Variants in CALML3 observed in about 807,000 individuals in gnomAD.
CALML3 encodes the protein calmodulin like 3.
For missense variants in CALML3, 198 were observed against 214.1 expected (o/e 0.92, Z 0.47); for synonymous variants, 98 against 89.9 (o/e 1.09, Z -0.51).
In CALML3 at chr10:5,525,394, C is replaced by T. The variant is rs548144630; in HGVS notation, c.309C>T (p.Ala103=). ...FDKDGNGFVS[A]AELRHVMTRL... ...AGGACGGCAACGGCTTCGTCAGCGC[C>T]GCCGAGCTGCGACACGTCATGACCC... Residue 103 remains alanine, a synonymous_variant, in exon 1 of 1, where the codon GCC becomes GCT. Coordinates refer to ENST00000315238, the MANE Select transcript of CALML3 (RefSeq NM_005185.4). The T allele has an allele frequency of 1.7e-5, 28 of 1,613,722 alleles. No homozygotes were observed. In the South Asian group the frequency reaches 2.7e-4, roughly 16 times the overall value.
chr10:5,525,324 CG>C lies in CALML3; in HGVS notation c.241del (p.Asp81ThrfsTer30). 6.2e-7 allele frequency: 1 copy of C among 1,613,868 alleles called. No homozygotes were observed. The highest frequency in any genetic ancestry group is 8.5e-7 in the Non-Finnish European group (1 of 1,179,984). ...LGMMARKMKDTDNEEEIREAF... is the reference protein window; with the variant it reads ...LGMMARKMKDXDNEEEIREAF... ...ATGATGGCCAGGAAGATGAAGGACA[CG>C]GACAACGAGGAGGAGATCCGCGAGG... On this transcript the variant is annotated frameshift_variant, in exon 1 of 1. Transcript: ENST00000315238. LOFTEE classifies it low-confidence loss of function (END_TRUNC).
chr10:5,525,103 T>A lies in CALML3; in HGVS notation c.18T>A (p.Thr6=). The change falls in exon 1 of 1, where the codon ACT becomes ACA. Residue 6 remains threonine, a synonymous_variant. Coordinates refer to ENST00000315238, the MANE Select transcript of CALML3 (RefSeq NM_005185.4). ...CCCCTGGCATGGCCGACCAGCTGAC[T>A]GAGGAGCAGGTCACAGAATTCAAGG... MADQL[T]EEQVTEFKEA... 6.2e-7 allele frequency: 1 copy of A among 1,605,204 alleles called. No individual in the cohort carries two copies.
Position 5,525,596 on chromosome 10 carries a change from T to TGCCCCC in CALML3, c.*61_*62insGCCCCC. ...GCCCACAGGGCAAGAACCCGGGGCC[T>TGCCCCC]CCCGCCTCCTCCCCCATCCCCCTGC... On this transcript the variant is annotated 3_prime_UTR_variant, in exon 1 of 1. Transcript: ENST00000315238. 1 of 1,464,808 alleles carries TGCCCCC rather than the reference T, an allele frequency of 6.8e-7. No individual in the cohort carries two copies. Among genetic ancestry groups the TGCCCCC allele is most frequent in the Non-Finnish European group, 9.1e-7 (1 of 1,099,210 alleles). 90.7% of individuals were successfully genotyped at this position (1,464,808 alleles called of 1,614,324 possible).
Position 5,525,858 on chromosome 10 carries a change from G to C in CALML3, c.*323G>C. 1 of 1,014,780 alleles carries C rather than the reference G, an allele frequency of 9.9e-7. No homozygotes were observed. Among genetic ancestry groups the C allele is most frequent in the Non-Finnish European group, 1.3e-6 (1 of 791,194 alleles). 62.9% of individuals were successfully genotyped at this position (1,014,780 alleles called of 1,614,324 possible). ...CGCTGACTCTGCGGCCCTCCAGGACGGACACCGGGTGACCCCTTAGGGCAC... is the reference window on the plus strand; with the variant it reads ...CGCTGACTCTGCGGCCCTCCAGGACCGACACCGGGTGACCCCTTAGGGCAC... On this transcript the variant is annotated 3_prime_UTR_variant, in exon 1 of 1. Coordinates refer to ENST00000315238, the MANE Select transcript of CALML3 (RefSeq NM_005185.4).
Position 5,526,467 on chromosome 10 carries a change from A to G in CALML3, c.*932A>G, listed in dbSNP as rs1833588554. 1 of 167,106 alleles carries G rather than the reference A, an allele frequency of 6.0e-6. No homozygotes were observed. Among genetic ancestry groups the G allele is most frequent in the Non-Finnish European group, 1.5e-5 (1 of 68,136 alleles). The allele number at this position is 167,106 out of a possible 1,614,324, so 10.4% of individuals were successfully genotyped here. A position where few individuals can be genotyped will look rare whatever the true frequency, so the allele number is the denominator to read the frequency against. ...TCAATCAAATGGATACGCTGGCAGC[A>G]AAGAGTGGTTAAAAGTCCATCAGGA... On this transcript the variant is annotated 3_prime_UTR_variant, in exon 1 of 1. Coordinates refer to ENST00000315238, the MANE Select transcript of CALML3 (RefSeq NM_005185.4).
Position 5,526,346 on chromosome 10 carries a change from T to C in CALML3, c.*811T>C, listed in dbSNP as rs2131388913. The C allele has an allele frequency of 6.0e-6, 1 of 167,170 alleles. No individual in the cohort carries two copies. The highest frequency in any genetic ancestry group is 6.5e-5 in the Admixed American group (1 of 15,308). The allele number at this position is 167,170 out of a possible 1,614,324, so 10.4% of individuals were successfully genotyped here. ...TGAAACGAGGCAGGAATCTCCATTT[T>C]TGTGCTTTTTGAAAATGCAATGAAT... On this transcript the variant is annotated 3_prime_UTR_variant, in exon 1 of 1. Coordinates refer to ENST00000315238, the MANE Select transcript of CALML3 (RefSeq NM_005185.4).
rs765936710 is a variant in CALML3, at chr10:5,525,190, G to A, written c.105G>A (p.Thr35=). ...DGCITTRELG[T]VMRSLGQNPT... ...GCATCACCACCCGCGAGCTGGGCAC[G>A]GTCATGCGGTCCCTGGGCCAGAACC... is the stretch of plus-strand genomic sequence containing the variant. Residue 35 remains threonine (T), a synonymous_variant, in exon 1 of 1, where the codon ACG becomes ACA. Transcript: ENST00000315238. 1.2e-6 allele frequency: 2 copies of A among 1,613,940 alleles called. No homozygotes were observed. The highest frequency in any genetic ancestry group is 1.7e-5 in the Admixed American group (1 of 60,024).
rs1487110851 is a variant in CALML3, at chr10:5,526,138, T to C, written c.*603T>C. 6.0e-6 allele frequency: 1 copy of C among 168,046 alleles called. No homozygotes were observed. Among genetic ancestry groups the C allele is most frequent in the Non-Finnish European group, 1.5e-5 (1 of 68,852 alleles). 10.4% of individuals were successfully genotyped at this position (168,046 alleles called of 1,614,324 possible). On this transcript the variant is annotated 3_prime_UTR_variant, in exon 1 of 1. Transcript: ENST00000315238. Reference sequence around the variant, plus strand: ...TTCCTTGTCCGCCAACCCACCGTGATTCATCTTCTGAAGCTGGGAGTGAAA... The same window carrying C: ...TTCCTTGTCCGCCAACCCACCGTGACTCATCTTCTGAAGCTGGGAGTGAAA...
At position 5,525,771 on chromosome 10, in the gene CALML3, T is replaced by C. The variant is rs1405183296; in HGVS notation, c.*236T>C. ...GAACGCTCCCACTGCAGGCAAACCGTGACGCCCTCCCCACTCGGGAGAAGC... is the reference window on the plus strand; with the variant it reads ...GAACGCTCCCACTGCAGGCAAACCGCGACGCCCTCCCCACTCGGGAGAAGC... On this transcript the variant is annotated 3_prime_UTR_variant, in exon 1 of 1. Coordinates refer to ENST00000315238, the MANE Select transcript of CALML3 (RefSeq NM_005185.4). 7.1e-7 allele frequency: 1 copy of C among 1,417,034 alleles called. No individual in the cohort carries two copies. Among genetic ancestry groups the C allele is most frequent in the African/African-American group, 1.4e-5 (1 of 69,146 alleles). 87.8% of individuals were successfully genotyped at this position (1,417,034 alleles called of 1,614,324 possible). A position where few individuals can be genotyped will look rare whatever the true frequency, so the allele number is the denominator to read the frequency against.
At position 5,525,434 on chromosome 10, in the gene CALML3, C is replaced by T; in HGVS notation, c.349C>T (p.Leu117=). The stretch of plus-strand genomic sequence containing the variant: ...CGTCATGACCCGGCTGGGGGAGAAG[C>T]TGAGTGACGAGGAGGTGGACGAGAT... ...RHVMTRLGEK[L]SDEEVDEMIR... is the part of the protein sequence containing the mutation. Residue 117 remains leucine (L), a synonymous_variant, in exon 1 of 1, where the codon CTG becomes TTG. Coordinates refer to ENST00000315238, the MANE Select transcript of CALML3 (RefSeq NM_005185.4). The T allele has an allele frequency of 1.9e-6, 3 of 1,613,948 alleles. No homozygotes were observed. The highest frequency in any genetic ancestry group is 1.1e-5 in the South Asian group (1 of 91,074).
chr10:5,525,800 G>A lies in CALML3; in HGVS notation c.*265G>A. 7.2e-7 allele frequency: 1 copy of A among 1,384,756 alleles called. No homozygotes were observed. The highest frequency in any genetic ancestry group is 9.4e-7 in the Non-Finnish European group (1 of 1,059,942). The allele number at this position is 1,384,756 out of a possible 1,614,324, so 85.8% of individuals were successfully genotyped here. A position where few individuals can be genotyped will look rare whatever the true frequency, so the allele number is the denominator to read the frequency against. ...GCCCTCCCCACTCGGGAGAAGCAGA[G>A]CTGACCTTAGGACCGAGCACCAGGG... On this transcript the variant is annotated 3_prime_UTR_variant, in exon 1 of 1. Transcript: ENST00000315238.
In CALML3 at chr10:5,525,519, T is replaced by G. The variant is rs1240476517; in HGVS notation, c.434T>G (p.Val145Gly). Reference protein sequence around the residue: ...GQVNYEEFVRVLVSK With the variant: ...GQVNYEEFVRGLVSK The stretch of plus-strand genomic sequence containing the variant: ...GTGAACTACGAGGAGTTTGTCCGTG[T>G]GCTGGTGTCCAAGTGAGGCCGGCGC... Residue 145 changes from valine to glycine, a missense_variant, in exon 1 of 1, where the codon GTG becomes GGG. Transcript: ENST00000315238. 9 of 1,599,672 alleles carry G rather than the reference T, an allele frequency of 5.6e-6. No individual in the cohort carries two copies. Among genetic ancestry groups the G allele is most frequent in the Non-Finnish European group, 7.7e-6 (9 of 1,170,194 alleles).
Position 5,525,805 on chromosome 10 carries a change from C to A in CALML3, c.*270C>A. 7.4e-7 allele frequency: 1 copy of A among 1,352,752 alleles called. No homozygotes were observed. Among genetic ancestry groups the A allele is most frequent in the Non-Finnish European group, 9.6e-7 (1 of 1,042,306 alleles). 83.8% of individuals were successfully genotyped at this position (1,352,752 alleles called of 1,614,324 possible). ...CCCCACTCGGGAGAAGCAGAGCTGA[C>A]CTTAGGACCGAGCACCAGGGCAGGT... On this transcript the variant is annotated 3_prime_UTR_variant, in exon 1 of 1. Coordinates refer to ENST00000315238, the MANE Select transcript of CALML3 (RefSeq NM_005185.4).
In CALML3 at chr10:5,525,501, A is replaced by G; in HGVS notation, c.416A>G (p.Tyr139Cys). ...ACGGACGGAGACGGACAGGTGAACT[A>G]CGAGGAGTTTGTCCGTGTGCTGGTG... ...ADTDGDGQVN[Y>C]EEFVRVLVSK Residue 139 changes from tyrosine to cysteine, a missense_variant, in exon 1 of 1, where the codon TAC becomes TGC. By Grantham distance (194) the Tyr-to-Cys change is radical. Transcript: ENST00000315238. The G allele has an allele frequency of 1.2e-6, 2 of 1,608,590 alleles. No individual in the cohort carries two copies. The highest frequency in any genetic ancestry group is 1.7e-6 in the Non-Finnish European group (2 of 1,176,028).
At position 5,525,095 on chromosome 10, in the gene CALML3, C is replaced by T. The variant is rs758641722; in HGVS notation, c.10C>T (p.Gln4Ter). 5.6e-6 allele frequency: 9 copies of T among 1,601,020 alleles called. No homozygotes were observed. The African/African-American group carries it at 6.7e-5, about 12-fold the overall frequency. The part of the protein sequence containing the change: MAD[Q>*]LTEEQVTEFK... ...CGCCCCCACCCCTGGCATGGCCGAC[C>T]AGCTGACTGAGGAGCAGGTCACAGA... The change falls in exon 1 of 1, where the codon CAG becomes TAG. Residue 4 changes from glutamine to a stop codon, truncating the protein, a stop_gained. Coordinates refer to ENST00000315238, the MANE Select transcript of CALML3 (RefSeq NM_005185.4). LOFTEE classifies it low-confidence loss of function (END_TRUNC).
At position 5,525,898 on chromosome 10, in the gene CALML3, T is replaced by A; in HGVS notation, c.*363T>A. ...CCTTAGGGCACCCAGGCAAGATCCC[T>A]AAGAGGCACCCAATGCCCAGGCCAG... On this transcript the variant is annotated 3_prime_UTR_variant, in exon 1 of 1. Coordinates refer to ENST00000315238, the MANE Select transcript of CALML3 (RefSeq NM_005185.4). The A allele has an allele frequency of 1.8e-6, 1 of 541,482 alleles. No individual in the cohort carries two copies. Among genetic ancestry groups the A allele is most frequent in the Non-Finnish European group, 2.6e-6 (1 of 387,920 alleles). The allele number at this position is 541,482 out of a possible 1,614,324, so 33.5% of individuals were successfully genotyped here. A position where few individuals can be genotyped will look rare whatever the true frequency, so the allele number is the denominator to read the frequency against.
rs1165439205 is a variant in CALML3 at position 5,525,836 on chromosome 10, T to G, written c.*301T>G. 1 of 1,212,388 alleles carries G rather than the reference T, an allele frequency of 8.2e-7. No homozygotes were observed. Among genetic ancestry groups the G allele is most frequent in the Non-Finnish European group, 1.1e-6 (1 of 944,942 alleles). 75.1% of individuals were successfully genotyped at this position (1,212,388 alleles called of 1,614,324 possible). ...GACCGAGCACCAGGGCAGGTTGCGC[T>G]GACTCTGCGGCCCTCCAGGACGGAC... On this transcript the variant is annotated 3_prime_UTR_variant, in exon 1 of 1. Transcript: ENST00000315238.
chr10:5,525,605 CT>C lies in CALML3; in HGVS notation c.*71del. The stretch of plus-strand genomic sequence containing the variant: ...GCAAGAACCCGGGGCCTCCCGCCTC[CT>C]CCCCCATCCCCCTGCCTCCCCTGGG... On this transcript the variant is annotated 3_prime_UTR_variant, in exon 1 of 1. Coordinates refer to ENST00000315238, the MANE Select transcript of CALML3 (RefSeq NM_005185.4). 1.4e-6 allele frequency: 2 copies of C among 1,466,266 alleles called. No individual in the cohort carries two copies. The highest frequency in any genetic ancestry group is 1.8e-6 in the Non-Finnish European group (2 of 1,102,706). The allele number at this position is 1,466,266 out of a possible 1,614,324, so 90.8% of individuals were successfully genotyped here.
In CALML3 at chr10:5,525,559, G is replaced by A. The variant is rs755910635; in HGVS notation, c.*24G>A. 6.4e-6 allele frequency: 10 copies of A among 1,556,598 alleles called. No individual in the cohort carries two copies. Among genetic ancestry groups the A allele is most frequent in the Non-Finnish European group, 8.7e-6 (10 of 1,148,794 alleles). ...GAGGCCGGCGCCCACCATGCTCCTGGGCGCCCACGCGGCCCACAGGGCAAG... is the reference window on the plus strand; with the variant it reads ...GAGGCCGGCGCCCACCATGCTCCTGAGCGCCCACGCGGCCCACAGGGCAAG... On this transcript the variant is annotated 3_prime_UTR_variant, in exon 1 of 1. Transcript: ENST00000315238.
Sources: gnomAD v4.1 joint callset for allele counts on GRCh38, gnomAD v4.1.1 for gene constraint, MANE v1.5 for transcripts, NCBI Gene and HGNC (gene_info 2026-07-23, HGNC 2026-07-21) for gene names.